Variants in NF1 observed in about 807,000 individuals in gnomAD.
The protein encoded by NF1 is neurofibromin 1.
NF1 carries 122 observed loss-of-function variants against 325.7 expected under a neutral mutation model. The ratio of observed to expected loss-of-function variants is 0.37; its 90% CI spans 0.32 to 0.44. NF1 has a LOEUF of 0.44. Ranked by LOEUF, NF1 falls within the 20% of genes least tolerant of loss-of-function variation. The pLI is 1.00. For synonymous variants in NF1, 1,091 were observed against 1,186.0 expected (o/e 0.92, Z 1.65); for missense variants, 2,140 against 3,415.4 (o/e 0.63, Z 9.31).
At chr17:31,161,152 G>C (rs1479081911) in intron 3 of NF1, among the ~76,000 whole-genome samples, 1 of 152,160 alleles carries the variant, frequency 6.6e-6, no homozygotes, top group Non-Finnish European at 1.5e-5. Context: ...AATATGTTAT[G>C]AGTGCAATTT....
Position 31,321,455 on chromosome 17 carries a change from A to G in NF1, c.4836-4365A>G, listed in dbSNP as rs534394537. ...GAACACTAATCTGTCAGACGTTAGAAGTGAAAAGGCATAAGAAAAGCCGTA... is the reference window on the plus strand; with the variant it reads ...GAACACTAATCTGTCAGACGTTAGAGGTGAAAAGGCATAAGAAAAGCCGTA... On this transcript the variant is annotated intron_variant, in intron 36 of 57. Coordinates refer to ENST00000358273, the MANE Select transcript of NF1 (RefSeq NM_001042492.3). The G allele has an allele frequency of 4.6e-5, 7 of 152,332 alleles. No individual in the cohort carries two copies. The South Asian group carries it at 1.4e-3, about 32-fold the overall frequency. 9.4% of individuals were successfully genotyped at this position (152,332 alleles called of 1,614,324 possible).
chr17:31,376,114 C>G lies in NF1; in HGVS notation c.*1959C>G, dbSNP rs2070727307. 1 of 232,840 alleles carries G rather than the reference C, an allele frequency of 4.3e-6. No individual in the cohort carries two copies. The allele number at this position is 232,840 out of a possible 1,614,324, so 14.4% of individuals were successfully genotyped here. On this transcript the variant is annotated 3_prime_UTR_variant, in exon 58 of 58. Coordinates refer to ENST00000358273, the MANE Select transcript of NF1 (RefSeq NM_001042492.3). The stretch of plus-strand genomic sequence containing the variant: ...ATCAGTAACCCAGTGCCAAGGATGC[C>G]AAGCTGCCACCATGGTCTTGGCTCT...
intron 36 of NF1, among the ~76,000 whole-genome samples, chr17:31,282,595 G>A (rs2068142281): frequency 6.6e-6 from 1 of 152,030 alleles, no homozygotes; most frequent in Non-Finnish European, 1.5e-5. Flanking sequence ...TTTCATATAA[G>A]TGGAATCATA....
rs2070343124 is a variant in NF1 at position 31,359,093 on chromosome 17, C to T, written c.8160+78C>T. ...AATTAGTATGCCTGCTTTAAGAACACACAATGTGCTGAAAACCAGAAAAAT... is the reference window on the plus strand; with the variant it reads ...AATTAGTATGCCTGCTTTAAGAACATACAATGTGCTGAAAACCAGAAAAAT... On this transcript the variant is annotated intron_variant, in intron 56 of 57. Coordinates refer to ENST00000358273, the MANE Select transcript of NF1 (RefSeq NM_001042492.3). The T allele has an allele frequency of 4.4e-6, 5 of 1,147,744 alleles. 1 individual carries two copies. The South Asian group carries it at 5.1e-5, about 12-fold the overall frequency. 71.1% of individuals were successfully genotyped at this position (1,147,744 alleles called of 1,614,324 possible). A position where few individuals can be genotyped will look rare whatever the true frequency, so the allele number is the denominator to read the frequency against.
At chr17:31,142,551 T>G (rs1916294646) in intron 1 of NF1, among the ~76,000 whole-genome samples, 1 of 152,194 alleles carries the variant, frequency 6.6e-6, no homozygotes. Flanking sequence ...AATTTCATTT[T>G]GCACTTTAAA....
At chr17:31,339,293 A>C (rs948356586) in intron 46 of NF1, among the ~76,000 whole-genome samples, 3 of 152,182 alleles carry the variant, frequency 2.0e-5, no homozygotes, top group African/African-American at 4.8e-5. Flanking sequence ...CTTGATCGTC[A>C]TAAGAGTTTG....
intron 17 of NF1, among the ~76,000 whole-genome samples, chr17:31,225,633 G>A (rs1056889926): frequency 1.3e-5 from 2 of 151,990 alleles, no homozygotes; most frequent in African/African-American, 4.8e-5. Context: ...AGATTTACAG[G>A]GATAAAAACA....
chr17:31,234,270 T>C (rs899843795), intron 27 of NF1, among the ~76,000 whole-genome samples: 2 of 152,220 alleles, frequency 1.3e-5, no homozygotes, highest in African/African-American at 4.8e-5. Context: ...TGAAACCTCC[T>C]TGAAGCCTAA....
intron 51 of NF1, 114 bp downstream of exon 51, chr17:31,352,528 G>A: frequency 9.6e-7 from 1 of 1,042,284 alleles, no homozygotes; most frequent in South Asian, 1.9e-5. Context: ...TGTCAGTGTA[G>A]CAAAGTTTTT....
Position 31,358,506 on chromosome 17 carries a change from A to G in NF1, c.7997A>G (p.Asn2666Ser). 1.2e-6 allele frequency: 2 copies of G among 1,613,942 alleles called. No individual in the cohort carries two copies. The highest frequency in any genetic ancestry group is 1.7e-6 in the Non-Finnish European group (2 of 1,179,938). ...VVHNLLDSKI[N>S]TLLSLCQDPN... ...CATAATTTGTTGGACTCTAAGATCAACACCCTGTTATCATTGTGCCAAGAT... is the reference window on the plus strand; with the variant it reads ...CATAATTTGTTGGACTCTAAGATCAGCACCCTGTTATCATTGTGCCAAGAT... Residue 2666 changes from asparagine to serine, a missense_variant, in exon 55 of 58, where the codon AAC (asparagine) becomes AGC (serine). Around this residue, in one of 10 missense-constraint regions of NF1, gnomAD observed 522 missense variants for 749.0 expected, o/e 0.70. Coordinates refer to ENST00000358273, the MANE Select transcript of NF1 (RefSeq NM_001042492.3).
chr17:31,122,430 A>G (rs1353973130), intron 1 of NF1, among the ~76,000 whole-genome samples: 2 of 152,220 alleles, frequency 1.3e-5, no homozygotes, highest in East Asian at 3.8e-4. Flanking sequence ...TTTGATCCCA[A>G]AAGTTGTTTT....
intron 57 of NF1, among the ~76,000 whole-genome samples, chr17:31,363,640 G>A (rs537060543): frequency 1.2e-4 from 18 of 151,240 alleles, no homozygotes; most frequent in African/African-American, 1.7e-4. Context: ...GTTTTATGGT[G>A]TTAGCCAGGA....
intron 1 of NF1, among the ~76,000 whole-genome samples, chr17:31,131,724 G>A (rs1915408882): frequency 6.6e-6 from 1 of 152,086 alleles, no homozygotes; most frequent in African/African-American, 2.4e-5. Flanking sequence ...TTTTGTTTAG[G>A]ATGTTTGTAT....
intron 51 of NF1, among the ~76,000 whole-genome samples, chr17:31,353,618 CA>C (rs2070206385): frequency 6.6e-6 from 1 of 151,704 alleles, no homozygotes; most frequent in Non-Finnish European, 1.5e-5. Flanking sequence ...ACCCCGACTC[CA>C]AACAAACAAA....
At chr17:31,149,538 C>T (rs1916793376) in intron 1 of NF1, among the ~76,000 whole-genome samples, 1 of 152,088 alleles carries the variant, frequency 6.6e-6, no homozygotes, top group South Asian at 2.1e-4. Flanking sequence ...GCCTTGGCCT[C>T]AGCATATATT....
chr17:31,238,901 T>C (rs2067248035), intron 29 of NF1, among the ~76,000 whole-genome samples: 1 of 152,032 alleles, frequency 6.6e-6, no homozygotes, highest in Admixed American at 6.5e-5. Context: ...CTAGAGGAAA[T>C]GGGCGCCTAC....
chr17:31,313,127 G>T (rs879753824), intron 36 of NF1, among the ~76,000 whole-genome samples: 1 of 152,022 alleles, frequency 6.6e-6, no homozygotes, highest in African/African-American at 2.4e-5. Context: ...AATAAAGCAT[G>T]TATAATAATA....
chr17:31,170,874 C>T (rs759187931), intron 5 of NF1, among the ~76,000 whole-genome samples: 4 of 152,034 alleles, frequency 2.6e-5, no homozygotes, highest in Non-Finnish European at 4.4e-5. Flanking sequence ...CATTATTAGA[C>T]CCTGGCTAAT....
chr17:31,291,123 A>C (rs1292592630), intron 36 of NF1, among the ~76,000 whole-genome samples: 1 of 152,074 alleles, frequency 6.6e-6, no homozygotes, highest in Non-Finnish European at 1.5e-5. Flanking sequence ...AACATTTCTC[A>C]TTGGAATATT....
Sources: gnomAD v4.1 joint callset for allele counts (sites outside exome capture counted in the v4.1 genomes callset) on GRCh38, gnomAD v4.1.1 for gene constraint, gnomAD v4.1.1 regional missense constraint, MANE v1.5 for transcripts, NCBI Gene and HGNC (gene_info 2026-07-23, HGNC 2026-07-21) for gene names.